Variants in TBC1D10A observed in about 807,000 individuals in gnomAD.
TBC1D10A encodes EBP50-PDX interactor of 64 kDa.
Under a neutral mutation model 52.9 loss-of-function variants are expected in TBC1D10A, and 24 were observed. The ratio of observed to expected loss-of-function variants is 0.45; its 90% CI spans 0.33 to 0.64. The LOEUF (loss-of-function observed/expected upper bound fraction) is 0.64, where lower values mean the gene tolerates loss of function less well. Among genes scored for constraint, TBC1D10A ranks in the 30% least tolerant of loss-of-function variants. TBC1D10A has a pLI of 0.02. For synonymous variants in TBC1D10A, 278 were observed against 282.9 expected, an observed-to-expected ratio of 0.98 and a Z score of 0.17; for missense variants, 602 against 687.9, an observed-to-expected ratio of 0.88 and a Z score of 1.40.
At chr22:30,319,429 T>C (rs1357562070) in intron 1 of TBC1D10A, among the ~76,000 whole-genome samples, 2 of 152,172 alleles carry the variant, frequency 1.3e-5, no homozygotes, top group Non-Finnish European at 2.9e-5. Context: ...AATAAATGTG[T>C]GGTAAATAAG....
chr22:30,312,068 C>T (rs1246456929), intron 1 of TBC1D10A, among the ~76,000 whole-genome samples: 2 of 152,300 alleles, frequency 1.3e-5, no homozygotes, highest in Admixed American at 6.5e-5. Context: ...GTTAGGATTA[C>T]GGGTATTAGT....
In TBC1D10A at chr22:30,304,616, G is replaced by T; in HGVS notation, c.224C>A (p.Pro75His). 6.2e-7 allele frequency: 1 copy of T among 1,614,046 alleles called. No homozygotes were observed. Among genetic ancestry groups the T allele is most frequent in the Non-Finnish European group, 8.5e-7 (1 of 1,179,964 alleles). Reference protein sequence around the residue: ...QGAEGALEEVPLEVLRQRESK... With the variant: ...QGAEGALEEVHLEVLRQRESK... Reference sequence around the variant, plus strand: ...CTCCCTCTGCCTCAGCACCTCCAGGGGTACTTCCTCCAGCCTGTGGAGCAG... The same window carrying T: ...CTCCCTCTGCCTCAGCACCTCCAGGTGTACTTCCTCCAGCCTGTGGAGCAG... Residue 75 changes from proline to histidine, a missense_variant, in exon 2 of 9, where the codon CCC becomes CAC. Pro to His is a moderately conservative substitution (Grantham distance 77). This residue lies in a region of TBC1D10A where 201 missense variants were observed against 204.4 expected (regional missense o/e 0.98). Transcript: ENST00000215790.
In TBC1D10A at chr22:30,317,526, G is replaced by GT. The variant is rs544236430; in HGVS notation, c.209+9146dup. Among the ~76,000 whole-genome samples the GT allele has an allele frequency of 6.9e-4, 104 of 151,778 alleles. 1 individual carries two copies. The highest frequency in any genetic ancestry group is 2.5e-3 in the African/African-American group (102 of 41,034). On this transcript the variant is annotated intron_variant, in intron 1 of 8. Transcript: ENST00000215790. Reference sequence around the variant, plus strand: ...AAGGTCTCCAGATCTCCGTTCAGCAGTATTTGTTTACACTATGCTCCTAAT... The same window carrying GT: ...AAGGTCTCCAGATCTCCGTTCAGCAGTTATTTGTTTACACTATGCTCCTAAT...
chr22:30,293,002 G>T, intron 8 of TBC1D10A, 151 bp from the exon 9 acceptor site: 1 of 842,320 alleles, frequency 1.2e-6, no homozygotes, highest in Non-Finnish European at 1.8e-6. Context: ...GTCCCAAGCT[G>T]CAGTCACGAG....
At chr22:30,313,376 T>TGTGTGTGTGTGC (rs1930466961) in intron 1 of TBC1D10A, among the ~76,000 whole-genome samples, 2 of 128,736 alleles carry the variant, frequency 1.6e-5, no homozygotes, top group African/African-American at 5.4e-5. Context: ...TGTGTGTGTG[T>TGTGTGTGTGTGC]GTGTGTGTGT....
chr22:30,293,322 G>C (rs1178856681), intron 8 of TBC1D10A: 1 of 622,256 alleles, frequency 1.6e-6, no homozygotes, highest in Non-Finnish European at 3.1e-6. Flanking sequence ...AATTGCCCCT[G>C]AGAGACAAGT....
intron 4 of TBC1D10A, 24 bp from the exon 5 acceptor site, chr22:30,295,079 G>C (rs989624851): frequency 6.2e-7 from 1 of 1,610,990 alleles, no homozygotes; most frequent in East Asian, 2.2e-5. Context: ...GGGCAGAGCA[G>C]TGATGACCGG....
intron 1 of TBC1D10A, among the ~76,000 whole-genome samples, chr22:30,320,609 G>C (rs1930632459): frequency 6.6e-6 from 1 of 152,170 alleles, no homozygotes; most frequent in Admixed American, 6.5e-5. Flanking sequence ...CCCTCTCAGG[G>C]GAAGTAAGGA....
At chr22:30,313,341 ATGTGTGTGTGTGTGTGTG>A (rs6147586) in intron 1 of TBC1D10A, among the ~76,000 whole-genome samples, 132 of 138,076 alleles carry the variant, frequency 9.6e-4, no homozygotes, top group Middle Eastern at 7.0e-3. Context: ...TGCTCAATAA[ATGTGTGTGTGTGTGTGTG>A]TGTGTGTGTG....
chr22:30,294,790 A>T lies in TBC1D10A; in HGVS notation c.705+6T>A. The T allele has an allele frequency of 1.9e-6, 3 of 1,614,060 alleles. No homozygotes were observed. Among genetic ancestry groups the T allele is most frequent in the Non-Finnish European group, 2.5e-6 (3 of 1,180,016 alleles). ...CAGGGCAAGTCCCAGGCCAGGCGAC[A>T]CTCACCAGTTTCTCGCTGTAGTAGC... On this transcript the variant is annotated splice_donor_region_variant and intron_variant, in intron 6 of 8. Transcript: ENST00000215790.
intron 1 of TBC1D10A, among the ~76,000 whole-genome samples, chr22:30,306,274 C>T (rs776474036): frequency 4.6e-5 from 7 of 152,204 alleles, no homozygotes; most frequent in African/African-American, 9.7e-5. Flanking sequence ...CTGAGGCTTA[C>T]AGAGGGCAAG....
chr22:30,308,316 A>ATGCCTCCATGCCTGCC (rs1930357108), intron 1 of TBC1D10A, among the ~76,000 whole-genome samples: 1 of 130,292 alleles, frequency 7.7e-6, no homozygotes, highest in Admixed American at 7.5e-5. Flanking sequence ...GCCTGCCTGC[A>ATGCCTCCATGCCTGCC]TGCCTGCATG....
chr22:30,318,991 C>T (rs1449065667), intron 1 of TBC1D10A, among the ~76,000 whole-genome samples: 1 of 152,176 alleles, frequency 6.6e-6, no homozygotes, highest in Non-Finnish European at 1.5e-5. Flanking sequence ...CAACCCATTT[C>T]CCTAACCTAC....
Position 30,293,759 on chromosome 22 carries a change from C to A in TBC1D10A, c.942G>T (p.Ala314=), listed in dbSNP as rs554102965. The stretch of plus-strand genomic sequence containing the variant: ...CTTTGACCTTCTCAGGGGAGCCCAG[C>A]GCGTGCTTCAGCAGCACCAGCCCCA... The part of the protein sequence containing the change: ...FRVGLVLLKH[A]LGSPEKVKAC... Residue 314 remains alanine (A), a synonymous_variant, in exon 8 of 9, where the codon GCG becomes GCT. Transcript: ENST00000215790. 6.2e-7 allele frequency: 1 copy of A among 1,612,884 alleles called. No individual in the cohort carries two copies. The highest frequency in any genetic ancestry group is 1.7e-5 in the Admixed American group (1 of 60,000).
At position 30,293,936 on chromosome 22, in the gene TBC1D10A, T is replaced by C. The variant is rs1203472975; in HGVS notation, c.880A>G (p.Met294Val). 8 of 1,613,468 alleles carry C rather than the reference T, an allele frequency of 5.0e-6. No homozygotes were observed. In the Admixed American group the frequency reaches 6.7e-5, roughly 13 times the overall value. Residue 294 changes from methionine to valine, a missense_variant, in exon 7 of 9, where the codon ATG (methionine) becomes GTG (valine). Coordinates refer to ENST00000215790, the MANE Select transcript of TBC1D10A (RefSeq NM_031937.3). ...AGCCCAGTACCTTCACAGAAGAACA[T>C]GTCCCAGACACGCAGCACAGAGCTC... ...PWSSVLRVWD[M>V]FFCEGVKIIF...
At chr22:30,321,065 C>T (rs898826992) in intron 1 of TBC1D10A, among the ~76,000 whole-genome samples, 1 of 152,226 alleles carries the variant, frequency 6.6e-6, no homozygotes, top group Admixed American at 6.5e-5. Flanking sequence ...GTGCTACCAT[C>T]TTATCTCTTT....
intron 2 of TBC1D10A, among the ~76,000 whole-genome samples, chr22:30,304,103 C>T (rs556587232): frequency 6.6e-6 from 1 of 152,346 alleles, no homozygotes; most frequent in South Asian, 2.1e-4. Context: ...GGGGATACTA[C>T]TATTACTAAC....
At chr22:30,312,142 C>T (rs1388341263) in intron 1 of TBC1D10A, among the ~76,000 whole-genome samples, 2 of 152,204 alleles carry the variant, frequency 1.3e-5, no homozygotes, top group Non-Finnish European at 2.9e-5. Flanking sequence ...CCAGCTCCTA[C>T]CAGGCAGAGT....
At position 30,292,756 on chromosome 22, in the gene TBC1D10A, G is replaced by A; in HGVS notation, c.1146C>T (p.Arg382=). 1.2e-6 allele frequency: 2 copies of A among 1,612,152 alleles called. No individual in the cohort carries two copies. The highest frequency in any genetic ancestry group is 1.7e-6 in the Non-Finnish European group (2 of 1,179,746). Residue 382 remains arginine (R), a synonymous_variant, in exon 9 of 9, where the codon CGC becomes CGT. Transcript: ENST00000215790. Reference sequence around the variant, plus strand: ...TGGCACCATGCAGCCTGGGCGGGGAGCGGCACTGCAGCTCACCCCGGGTCT... The same window carrying A: ...TGGCACCATGCAGCCTGGGCGGGGAACGGCACTGCAGCTCACCCCGGGTCT... ...WQETRGELQC[R]SPPRLHGAKA...
Sources: gnomAD v4.1 joint callset for allele counts (sites outside exome capture counted in the v4.1 genomes callset) on GRCh38, gnomAD v4.1.1 for gene constraint, gnomAD v4.1.1 regional missense constraint, MANE v1.5 for transcripts, NCBI Gene and HGNC (gene_info 2026-07-23, HGNC 2026-07-21) for gene names.